Variants in ERC2 observed in about 807,000 individuals in gnomAD.
ERC2 encodes the protein ERC protein 2.
ERC2 carries 42 observed loss-of-function variants against 114.8 expected under a neutral mutation model. That is an observed-to-expected ratio of 0.37 (90% CI 0.29 to 0.47). The LOEUF is 0.47. Ranked by LOEUF, ERC2 falls within the 20% of genes least tolerant of loss-of-function variation. ERC2 has a pLI of 0.99. For synonymous variants in ERC2, 454 were observed against 425.5 expected, an observed-to-expected ratio of 1.07 and a Z score of -0.82; for missense variants, 939 against 1,150.7, an observed-to-expected ratio of 0.82 and a Z score of 2.66.
At chr3:56,026,836 C>A (rs1403569994) in intron 7 of ERC2, among the ~76,000 whole-genome samples, 1 of 152,096 alleles carries the variant, frequency 6.6e-6, no homozygotes, top group Non-Finnish European at 1.5e-5. Context: ...TTGTGTGCAT[C>A]TGTATTTAGT....
At chr3:56,010,384 G>C (rs970292415) in intron 9 of ERC2, 65 bp downstream of exon 9, 29 of 1,551,726 alleles carry the variant, frequency 1.9e-5, no homozygotes, top group Non-Finnish European at 1.7e-5. Flanking sequence ...CTAGTCTCTT[G>C]CAGCTTCATT....
intron 5 of ERC2, among the ~76,000 whole-genome samples, chr3:56,141,578 T>C (rs1421663745): frequency 6.6e-5 from 10 of 152,348 alleles, no homozygotes; most frequent in African/African-American, 2.2e-4. Flanking sequence ...ACATTTTGTG[T>C]CTGCATTGGT....
intron 11 of ERC2, among the ~76,000 whole-genome samples, chr3:55,989,583 T>TC (rs1442098656): frequency 2.6e-5 from 4 of 152,214 alleles, no homozygotes; most frequent in Non-Finnish European, 5.9e-5. Flanking sequence ...GCTTCTTTCT[T>TC]CTGGCCCATT....
chr3:56,040,639 T>A (rs71617289), intron 7 of ERC2, among the ~76,000 whole-genome samples: 29,534 of 103,478 alleles, frequency 0.29, 4,694 homozygotes, highest in Non-Finnish European at 0.38. Flanking sequence ...TATATATACA[T>A]ATATAGATGT....
intron 14 of ERC2, among the ~76,000 whole-genome samples, chr3:55,832,960 T>A (rs535963735): frequency 1.3e-5 from 2 of 151,758 alleles, no homozygotes; most frequent in East Asian, 3.9e-4. Flanking sequence ...ACATGAAGAA[T>A]GTAAAGGCCT....
At chr3:56,420,887 A>G (rs2061362979) in intron 2 of ERC2, among the ~76,000 whole-genome samples, 1 of 150,254 alleles carries the variant, frequency 6.7e-6, no homozygotes, top group Admixed American at 6.7e-5. Context: ...ACAGAGCAAG[A>G]CTCCGTCTCA....
chr3:55,791,213 ATTCCACTTGGAGAGCCT>A (rs1210755664), intron 14 of ERC2, among the ~76,000 whole-genome samples: 1 of 152,228 alleles, frequency 6.6e-6, no homozygotes, highest in Admixed American at 6.5e-5. Context: ...TAAACAGTTA[ATTCCACTTGGAGAGCCT>A]TTAGAGGCAG....
chr3:55,673,493 G>A (rs547799761), intron 17 of ERC2, among the ~76,000 whole-genome samples: 16 of 152,262 alleles, frequency 1.1e-4, no homozygotes, highest in African/African-American at 3.4e-4. Context: ...TGAGGCAGGA[G>A]AATCACTTGA....
At chr3:55,948,006 C>T (rs2067244043) in intron 13 of ERC2, among the ~76,000 whole-genome samples, 1 of 152,168 alleles carries the variant, frequency 6.6e-6, no homozygotes, top group Non-Finnish European at 1.5e-5. Context: ...TAAAATATTT[C>T]GTACTGTGCT....
chr3:55,860,749 C>T (rs2061992338), intron 14 of ERC2, among the ~76,000 whole-genome samples: 1 of 152,160 alleles, frequency 6.6e-6, no homozygotes. Flanking sequence ...TCTCTGTTGC[C>T]AAAATCCTGA....
intron 17 of ERC2, among the ~76,000 whole-genome samples, chr3:55,639,402 C>T (rs1434481588): frequency 6.6e-6 from 1 of 152,060 alleles, no homozygotes; most frequent in African/African-American, 2.4e-5. Context: ...AATGTATTCA[C>T]AATCAGGAGA....
At chr3:56,238,660 A>T (rs1386749100) in intron 3 of ERC2, among the ~76,000 whole-genome samples, 1 of 152,196 alleles carries the variant, frequency 6.6e-6, no homozygotes, top group Non-Finnish European at 1.5e-5. Flanking sequence ...CCATTGGCAT[A>T]CTTAGATATT....
At chr3:55,670,713 A>G (rs2061523872) in intron 17 of ERC2, among the ~76,000 whole-genome samples, 1 of 152,254 alleles carries the variant, frequency 6.6e-6, no homozygotes, top group South Asian at 2.1e-4. Flanking sequence ...CAAGATGACC[A>G]ATGTGAAAGC....
chr3:55,532,581 C>A (rs2053739384), intron 17 of ERC2, among the ~76,000 whole-genome samples: 1 of 152,158 alleles, frequency 6.6e-6, no homozygotes, highest in Non-Finnish European at 1.5e-5. Context: ...TCAATTCTCC[C>A]CAAGTCCCTT....
At chr3:56,442,782 G>T (rs1431568172) in intron 1 of ERC2, among the ~76,000 whole-genome samples, 1 of 152,146 alleles carries the variant, frequency 6.6e-6, no homozygotes, top group Non-Finnish European at 1.5e-5. Flanking sequence ...CTGAACACTT[G>T]AATTTACTCA....
chr3:55,886,834 G>A (rs1039121989), intron 14 of ERC2, among the ~76,000 whole-genome samples: 6 of 152,176 alleles, frequency 3.9e-5, no homozygotes, highest in Admixed American at 2.6e-4. Context: ...TATTGATGAA[G>A]GTGATAATAT....
In ERC2 at chr3:56,148,501, G is replaced by A. The variant is rs191326496; in HGVS notation, c.1305+476C>T. Among the ~76,000 whole-genome samples, 110 of 152,162 alleles carry A rather than the reference G, an allele frequency of 7.2e-4. No homozygotes were observed. The East Asian group carries it at 0.01, about 14-fold the overall frequency. ...AGGGTTTCACCACGTTAGCCAGGCC[G>A]GTCTCGAACTCCTGACCTCAGCTGA... On this transcript the variant is annotated intron_variant, in intron 5 of 17. Transcript: ENST00000288221.
intron 7 of ERC2, among the ~76,000 whole-genome samples, chr3:56,030,105 G>T (rs150075599): frequency 1.3e-5 from 2 of 152,156 alleles, no homozygotes; most frequent in Non-Finnish European, 2.9e-5. Context: ...TAATTTTCAA[G>T]TGTTTATAGA....
intron 3 of ERC2, among the ~76,000 whole-genome samples, chr3:56,202,875 A>C (rs2048485885): frequency 6.6e-6 from 1 of 152,220 alleles, no homozygotes; most frequent in African/African-American, 2.4e-5. Flanking sequence ...GTAGATCTTA[A>C]GTGTTCTAAC....
Sources: gnomAD v4.1 joint callset for allele counts (sites outside exome capture counted in the v4.1 genomes callset) on GRCh38, gnomAD v4.1.1 for gene constraint, MANE v1.5 for transcripts, NCBI Gene and HGNC (gene_info 2026-07-23, HGNC 2026-07-21) for gene names.